The following LRBA variants were observed in gnomAD, a reference collection of about 807,000 sequenced individuals.
LRBA encodes lipopolysaccharide-responsive and beige-like anchor protein.
Under a neutral mutation model 330.0 loss-of-function variants are expected in LRBA, and 176 were observed. The ratio of observed to expected loss-of-function variants is 0.53; its 90% confidence interval spans 0.47 to 0.60. The LOEUF is 0.60. Among genes scored for constraint, LRBA ranks in the 20% least tolerant of loss-of-function variants. The pLI, the probability that LRBA is intolerant of heterozygous loss-of-function variation, is 0.00. For synonymous variants in LRBA, 1,230 were observed against 1,193.0 expected (o/e 1.03, Z -0.64); for missense variants, 3,259 against 3,444.8 (o/e 0.95, Z 1.35).
At chr4:150,424,583 C>A (rs1233576707) in intron 46 of LRBA, among the ~76,000 whole-genome samples, 2 of 152,224 alleles carry the variant, frequency 1.3e-5, no homozygotes, top group Non-Finnish European at 2.9e-5. Flanking sequence ...GGACAGGACA[C>A]CAGGTGCCAT....
chr4:150,277,509 TCA>T (rs1388783730), intron 56 of LRBA, among the ~76,000 whole-genome samples: 4 of 152,188 alleles, frequency 2.6e-5, no homozygotes. Context: ...CCTTGAGAAC[TCA>T]GCCTTTGTCC....
At chr4:150,823,654 A>C (rs1745796664) in intron 30 of LRBA, among the ~76,000 whole-genome samples, 1 of 152,086 alleles carries the variant, frequency 6.6e-6, no homozygotes, top group Non-Finnish European at 1.5e-5. Context: ...GTAAGAGATA[A>C]AGGTATTCAT....
intron 56 of LRBA, among the ~76,000 whole-genome samples, chr4:150,266,239 G>GTGAC (rs1337775715): frequency 3.9e-5 from 6 of 152,184 alleles, no homozygotes; most frequent in Non-Finnish European, 5.9e-5. Context: ...ACACACTCAA[G>GTGAC]TGACAAGAGA....
At chr4:150,363,866 A>C (rs1321995830) in intron 47 of LRBA, among the ~76,000 whole-genome samples, 1 of 152,218 alleles carries the variant, frequency 6.6e-6, no homozygotes, top group Non-Finnish European at 1.5e-5. Context: ...TAGATCTTAA[A>C]GCACTGTTTA....
intron 44 of LRBA, among the ~76,000 whole-genome samples, chr4:150,452,757 T>C (rs369277509): frequency 6.6e-6 from 1 of 152,284 alleles, no homozygotes; most frequent in South Asian, 2.1e-4. Context: ...CTCTCAGTAC[T>C]TGTTAACCTT....
chr4:150,850,783 A>G lies in LRBA; in HGVS notation c.3945T>C (p.His1315=). Reference sequence around the variant, plus strand: ...ATAATAGATCAGTGAGCAAACGTTGATGCATCTGAGACCAGTTGAACTCAG... The same window carrying G: ...ATAATAGATCAGTGAGCAAACGTTGGTGCATCTGAGACCAGTTGAACTCAG... The part of the protein sequence containing the change: ...RIPEFNWSQM[H]QRLLTDLLFS... The change falls in exon 24 of 57, where the codon CAT becomes CAC. Residue 1315 remains histidine (H), a synonymous_variant. Coordinates refer to ENST00000651943, the MANE Select transcript of LRBA (RefSeq NM_001364905.1). 6.2e-7 allele frequency: 1 copy of G among 1,613,612 alleles called. No individual in the cohort carries two copies. The highest frequency in any genetic ancestry group is 1.3e-5 in the African/African-American group (1 of 75,042).
chr4:150,487,636 A>T, intron 42 of LRBA, 96 bp downstream of exon 42: 1 of 576,262 alleles, frequency 1.7e-6, no homozygotes, highest in Non-Finnish European at 3.0e-6. Context: ...TGAGAACATT[A>T]ATACAGATTA....
At chr4:150,720,638 A>G (rs1335321946) in intron 36 of LRBA, among the ~76,000 whole-genome samples, 1 of 152,198 alleles carries the variant, frequency 6.6e-6, no homozygotes, top group Admixed American at 6.5e-5. Flanking sequence ...AGTGTTACTA[A>G]GCAAGAAAAA....
At chr4:150,801,015 T>C (rs1201106036) in intron 33 of LRBA, among the ~76,000 whole-genome samples, 2 of 152,142 alleles carry the variant, frequency 1.3e-5, no homozygotes, top group Non-Finnish European at 1.5e-5. Flanking sequence ...AACCCATCGA[T>C]CTATCTAAAT....
intron 31 of LRBA, among the ~76,000 whole-genome samples, chr4:150,813,043 G>T (rs1744001325): frequency 2.0e-5 from 3 of 151,800 alleles, no homozygotes; most frequent in Non-Finnish European, 4.4e-5. Flanking sequence ...TGTAGTTCTG[G>T]CTACTTGGGA....
intron 40 of LRBA, among the ~76,000 whole-genome samples, chr4:150,551,711 T>C (rs960209507): frequency 6.6e-6 from 1 of 152,032 alleles, no homozygotes; most frequent in African/African-American, 2.4e-5. Context: ...TACACCCTGA[T>C]TGAAATATAT....
At chr4:150,647,254 C>T (rs1163369882) in intron 37 of LRBA, among the ~76,000 whole-genome samples, 2 of 148,242 alleles carry the variant, frequency 1.3e-5, no homozygotes, top group East Asian at 2.0e-4. Flanking sequence ...GGACTATAGC[C>T]TGAAAAAAAA....
chr4:150,537,975 G>A (rs1764861808), intron 40 of LRBA, among the ~76,000 whole-genome samples: 1 of 151,264 alleles, frequency 6.6e-6, no homozygotes, highest in African/African-American at 2.4e-5. Context: ...GCGAACAAAA[G>A]ACATTGAACA....
intron 31 of LRBA, among the ~76,000 whole-genome samples, chr4:150,810,337 C>CAT (rs1743541153): frequency 6.6e-6 from 1 of 152,202 alleles, no homozygotes; most frequent in Non-Finnish European, 1.5e-5. Flanking sequence ...AGAGTGAGCA[C>CAT]ATACCTAGTA....
intron 36 of LRBA, among the ~76,000 whole-genome samples, chr4:150,703,034 G>A (rs563829946): frequency 5.3e-5 from 8 of 152,238 alleles, no homozygotes; most frequent in African/African-American, 1.4e-4. Context: ...CATAGTGGAC[G>A]CCTGTGATCC....
chr4:150,363,817 C>A (rs1401205112), intron 47 of LRBA, among the ~76,000 whole-genome samples: 1 of 152,164 alleles, frequency 6.6e-6, no homozygotes, highest in Non-Finnish European at 1.5e-5. Context: ...TTAAGAAATT[C>A]TTCTGATTTA....
Position 150,286,122 on chromosome 4 carries a change from C to A in LRBA, c.8018-88G>T, listed in dbSNP as rs1416058797. The A allele has an allele frequency of 4.4e-6, 4 of 900,656 alleles. No homozygotes were observed. The African/African-American group carries it at 5.1e-5, about 12-fold the overall frequency. The allele number at this position is 900,656 out of a possible 1,614,324, so 55.8% of individuals were successfully genotyped here. ...CAACTTGCTCCTAATTTCCATCATG[C>A]CTATTTAATTTATAGTTTGGGAATT... On this transcript the variant is annotated intron_variant, in intron 53 of 56. Transcript: ENST00000651943.
intron 33 of LRBA, among the ~76,000 whole-genome samples, chr4:150,804,486 T>C (rs1377873813): frequency 6.6e-6 from 1 of 152,194 alleles, no homozygotes; most frequent in Non-Finnish European, 1.5e-5. Context: ...ACCTATAACC[T>C]TGCATTTCCA....
chr4:150,914,737 G>A (rs1732394769), intron 8 of LRBA, among the ~76,000 whole-genome samples: 1 of 152,106 alleles, frequency 6.6e-6, no homozygotes, highest in African/African-American at 2.4e-5. Context: ...AAAGCACTCA[G>A]TAAAAGTTAA....
Sources: allele counts gnomAD v4.1 joint callset (sites outside exome capture counted in the v4.1 genomes callset), GRCh38; gene constraint gnomAD v4.1.1; transcripts MANE v1.5; gene names NCBI Gene and HGNC (gene_info 2026-07-23, HGNC 2026-07-21).